ZBTB20: variants seen among roughly 807,000 people sequenced by gnomAD.
ZBTB20 encodes zinc finger and BTB domain containing 20, also known as zinc finger and BTB domain-containing protein 20.
In ZBTB20, 9 loss-of-function variants were observed where a neutral mutation model predicts 56.9. The ratio of observed to expected loss-of-function variants is 0.16; its 90% CI spans 0.10 to 0.28. ZBTB20 has a LOEUF of 0.28. Ranked by LOEUF, ZBTB20 falls within the 10% of genes least tolerant of loss-of-function variation. ZBTB20 has a pLI of 1.00. For synonymous variants in ZBTB20, 417 were observed against 420.7 expected (o/e 0.99, Z 0.11); for missense variants, 655 against 1,003.0 (o/e 0.65, Z 4.69).
chr3:114,994,077 A>C (rs571080142), intron 2 of ZBTB20, among the ~76,000 whole-genome samples: 15 of 151,844 alleles, frequency 9.9e-5, no homozygotes, highest in South Asian at 2.1e-4. Context: ...ATATTTAAGA[A>C]AGAAAATAGA....
intron 2 of ZBTB20, among the ~76,000 whole-genome samples, chr3:114,998,737 A>G (rs2079125037): frequency 6.6e-6 from 1 of 151,578 alleles, no homozygotes; most frequent in South Asian, 2.1e-4. Context: ...TCATTCACAG[A>G]GATGTGAATC....
intron 4 of ZBTB20, among the ~76,000 whole-genome samples, chr3:114,894,710 A>C (rs1369029646): frequency 6.6e-6 from 1 of 152,196 alleles, no homozygotes; most frequent in Admixed American, 6.5e-5. Flanking sequence ...TCAAGGAGAA[A>C]GGCTGGAACA....
At chr3:114,583,709 A>C (rs544144432) in intron 6 of ZBTB20, among the ~76,000 whole-genome samples, 1 of 152,346 alleles carries the variant, frequency 6.6e-6, no homozygotes, top group South Asian at 2.1e-4. Flanking sequence ...AACGGCTTAG[A>C]AAGAAATGTC....
intron 6 of ZBTB20, among the ~76,000 whole-genome samples, chr3:114,655,875 A>G (rs1429046129): frequency 2.0e-5 from 3 of 152,234 alleles, no homozygotes; most frequent in African/African-American, 7.2e-5. Context: ...AATTAAAAGA[A>G]TAAAAGGATA....
chr3:114,654,479 C>G (rs2108022871), intron 6 of ZBTB20, among the ~76,000 whole-genome samples: 1 of 151,584 alleles, frequency 6.6e-6, no homozygotes, highest in Admixed American at 6.6e-5. Flanking sequence ...AAACAAGAAG[C>G]ATATTTTGTA....
chr3:114,732,294 G>A (rs1321397747), intron 5 of ZBTB20, among the ~76,000 whole-genome samples: 1 of 151,990 alleles, frequency 6.6e-6, no homozygotes, highest in African/African-American at 2.4e-5. Flanking sequence ...ATGAGTATAT[G>A]GTTCTCTATC....
intron 5 of ZBTB20, among the ~76,000 whole-genome samples, chr3:114,768,175 A>C (rs2068918110): frequency 6.6e-6 from 1 of 152,038 alleles, no homozygotes; most frequent in South Asian, 2.1e-4. Context: ...GCAAAAACAC[A>C]CACACATTAA....
chr3:114,936,970 A>G (rs570867487), intron 3 of ZBTB20, among the ~76,000 whole-genome samples: 1 of 152,348 alleles, frequency 6.6e-6, no homozygotes, highest in South Asian at 2.1e-4. Context: ...GGAGAAAGGC[A>G]AGGAAGCATT....
intron 3 of ZBTB20, among the ~76,000 whole-genome samples, chr3:114,970,744 G>A (rs569125652): frequency 5.9e-5 from 9 of 152,228 alleles, no homozygotes; most frequent in South Asian, 2.1e-4. Flanking sequence ...AGCCGGGGGC[G>A]GTGGCTCACG....
intron 2 of ZBTB20, among the ~76,000 whole-genome samples, chr3:115,041,389 A>T (rs1207157950): frequency 6.6e-6 from 1 of 152,118 alleles, no homozygotes; most frequent in Non-Finnish European, 1.5e-5. Flanking sequence ...CCAAAACTCT[A>T]GTTTTTTTAT....
At chr3:114,536,239 A>G (rs1322544498) in intron 6 of ZBTB20, among the ~76,000 whole-genome samples, 1 of 152,246 alleles carries the variant, frequency 6.6e-6, no homozygotes. Context: ...TTGTGTATTC[A>G]GAAAACTCCA....
chr3:114,340,769 A>T (rs1043149798), intron 11 of ZBTB20, among the ~76,000 whole-genome samples: 1 of 152,214 alleles, frequency 6.6e-6, no homozygotes, highest in African/African-American at 2.4e-5. Flanking sequence ...TAAAACTGAA[A>T]GCCTCTGAAA....
At chr3:114,636,265 A>G (rs974286588) in intron 6 of ZBTB20, among the ~76,000 whole-genome samples, 3 of 152,152 alleles carry the variant, frequency 2.0e-5, no homozygotes, top group African/African-American at 7.2e-5. Flanking sequence ...CCATCACTGT[A>G]CCTGCTTTGC....
In ZBTB20 at chr3:114,325,896, G is replaced by GT. The variant is rs1016641036; in HGVS notation, c.*13108dup. 3 of 152,044 alleles carry GT rather than the reference G, an allele frequency of 2.0e-5. No individual in the cohort carries two copies. Among genetic ancestry groups the GT allele is most frequent in the South Asian group, 4.2e-4 (2 of 4,818 alleles). The allele number at this position is 152,044 out of a possible 1,614,324, so 9.4% of individuals were successfully genotyped here. A position where few individuals can be genotyped will look rare whatever the true frequency, so the allele number is the denominator to read the frequency against. On this transcript the variant is annotated 3_prime_UTR_variant, in exon 12 of 12. Transcript: ENST00000675478. ...TTTTTAAAAAAATAGTTTCTAATTT[G>GT]TTTTTTCCTTCTTTTGTGGTGGAGG...
intron 6 of ZBTB20, among the ~76,000 whole-genome samples, chr3:114,691,795 A>T (rs976291224): frequency 3.3e-5 from 5 of 152,144 alleles, no homozygotes; most frequent in Admixed American, 2.6e-4. Context: ...TTTAAATTAT[A>T]GAAATAATTA....
chr3:114,438,426 C>T, intron 7 of ZBTB20, among the ~76,000 whole-genome samples: 1 of 109,350 alleles, frequency 9.1e-6, no homozygotes, highest in South Asian at 3.1e-4. Context: ...CAAAAAAAAA[C>T]AAAAAAAACC....
intron 7 of ZBTB20, among the ~76,000 whole-genome samples, chr3:114,413,478 ATAACTC>A (rs1369817668): frequency 6.6e-6 from 1 of 152,184 alleles, no homozygotes; most frequent in African/African-American, 2.4e-5. Flanking sequence ...CTGGAGGAAA[ATAACTC>A]TAATTCTTTA....
chr3:114,901,339 T>G (rs2075111255), intron 3 of ZBTB20, among the ~76,000 whole-genome samples: 1 of 152,188 alleles, frequency 6.6e-6, no homozygotes, highest in Non-Finnish European at 1.5e-5. Flanking sequence ...CACAGTCGAT[T>G]ACAGCAACAC....
chr3:114,388,285 T>A (rs549204233), intron 8 of ZBTB20: 83 of 152,374 alleles, frequency 5.4e-4, no homozygotes, highest in African/African-American at 1.9e-3. Flanking sequence ...CATATATTCA[T>A]CTGTTATTTC....
Sources: gnomAD v4.1 joint callset for allele counts (sites outside exome capture counted in the v4.1 genomes callset) on GRCh38, gnomAD v4.1.1 for gene constraint, MANE v1.5 for transcripts, NCBI Gene and HGNC (gene_info 2026-07-23, HGNC 2026-07-21) for gene names.